Variants in DGKI observed in about 807,000 individuals in gnomAD.
DGKI encodes the protein DAG kinase iota.
DGKI carries 55 observed loss-of-function variants against 147.5 expected under a neutral mutation model. That is an observed-to-expected ratio of 0.37 (90% confidence interval 0.30 to 0.47). The LOEUF (loss-of-function observed/expected upper bound fraction) is 0.47. Among genes scored for constraint, DGKI ranks in the 20% least tolerant of loss-of-function variants. DGKI has a pLI of 1.00. For missense variants in DGKI, 1,007 were observed against 1,323.8 expected (o/e 0.76, Z 3.71); for synonymous variants, 469 against 477.1 (o/e 0.98, Z 0.22).
At chr7:137,685,847 A>C (rs1383164047) in intron 2 of DGKI, among the ~76,000 whole-genome samples, 2 of 152,226 alleles carry the variant, frequency 1.3e-5, no homozygotes, top group Non-Finnish European at 2.9e-5. Flanking sequence ...ACTTGGGATT[A>C]AAACGGCATA....
intron 6 of DGKI, among the ~76,000 whole-genome samples, chr7:137,633,476 A>C (rs1220990799): frequency 6.6e-6 from 1 of 152,198 alleles, no homozygotes; most frequent in African/African-American, 2.4e-5. Flanking sequence ...ATAGGCATTA[A>C]ATTTATCTTA....
intron 23 of DGKI, among the ~76,000 whole-genome samples, chr7:137,480,196 T>C (rs2128933365): frequency 6.6e-6 from 1 of 152,282 alleles, no homozygotes; most frequent in African/African-American, 2.4e-5. Flanking sequence ...CTTATTTAAT[T>C]CCTCATTTGA....
At chr7:137,825,621 C>T (rs1798032932) in intron 1 of DGKI, among the ~76,000 whole-genome samples, 1 of 152,004 alleles carries the variant, frequency 6.6e-6, no homozygotes, top group South Asian at 2.1e-4. Flanking sequence ...CACAGACACA[C>T]ACACACTCTC....
intron 8 of DGKI, among the ~76,000 whole-genome samples, chr7:137,610,819 C>T (rs971257963): frequency 1.3e-5 from 2 of 152,082 alleles, no homozygotes; most frequent in African/African-American, 4.8e-5. Context: ...TTTTATTTTA[C>T]TTTGACTTGG....
chr7:137,551,868 G>A (rs1818056515), intron 20 of DGKI, among the ~76,000 whole-genome samples: 1 of 152,048 alleles, frequency 6.6e-6, no homozygotes, highest in Non-Finnish European at 1.5e-5. Flanking sequence ...CCCCAAAATG[G>A]GAACATCAGG....
In DGKI at chr7:137,645,415, T is replaced by C. The variant is rs562397819; in HGVS notation, c.804+57A>G. The C allele has an allele frequency of 7.4e-6, 11 of 1,493,446 alleles. No individual in the cohort carries two copies. The South Asian group carries it at 1.1e-4, about 15-fold the overall frequency. 92.5% of individuals were successfully genotyped at this position (1,493,446 alleles called of 1,614,324 possible). A position where few individuals can be genotyped will look rare whatever the true frequency, so the allele number is the denominator to read the frequency against. ...TGGGGACAGGACTCATCTACCTCAG[T>C]TGCTTGCAGAGGCCTGGGGAGCCTC... is the stretch of plus-strand genomic sequence containing the variant. On this transcript the variant is annotated intron_variant, in intron 6 of 32. Transcript: ENST00000614521.
At position 137,756,421 on chromosome 7, in the gene DGKI, GTC is replaced by G. The variant is rs1563183271; in HGVS notation, c.402-66421_402-66420del. Among the ~76,000 whole-genome samples the G allele has an allele frequency of 2.3e-4, 35 of 152,238 alleles. No homozygotes were observed. In the South Asian group the frequency reaches 3.7e-3, roughly 16 times the overall value. Reference sequence around the variant, plus strand: ...GAAGAAAAAAAGTCATTCGGGAACCGTCAGAAAGGTTATTTTTGTAAGACATG... The same window carrying G: ...GAAGAAAAAAAGTCATTCGGGAACCGAGAAAGGTTATTTTTGTAAGACATG... On this transcript the variant is annotated intron_variant, in intron 1 of 32. Transcript: ENST00000614521.
chr7:137,422,654 G>C (rs1812624264), intron 28 of DGKI, among the ~76,000 whole-genome samples: 1 of 122,828 alleles, frequency 8.1e-6, no homozygotes, highest in East Asian at 2.6e-4. Context: ...ACCCAGACTG[G>C]AGTGCAGTGG....
intron 28 of DGKI, among the ~76,000 whole-genome samples, chr7:137,431,212 T>C (rs1314967123): frequency 6.6e-6 from 1 of 151,330 alleles, no homozygotes; most frequent in African/African-American, 2.4e-5. Context: ...GACATAGTCA[T>C]GGTTTAAATC....
intron 1 of DGKI, among the ~76,000 whole-genome samples, chr7:137,743,279 T>C (rs1392541063): frequency 6.6e-6 from 1 of 152,164 alleles, no homozygotes; most frequent in East Asian, 1.9e-4. Context: ...ACCAACTGGA[T>C]CTAATTGACA....
At chr7:137,567,530 T>C (rs1489553595) in intron 19 of DGKI, among the ~76,000 whole-genome samples, 1 of 152,130 alleles carries the variant, frequency 6.6e-6, no homozygotes, top group Non-Finnish European at 1.5e-5. Context: ...ATCTGCAAAA[T>C]TCAGACTCAG....
At chr7:137,674,852 T>A (rs1400974688) in intron 3 of DGKI, among the ~76,000 whole-genome samples, 2 of 152,144 alleles carry the variant, frequency 1.3e-5, no homozygotes, top group African/African-American at 4.8e-5. Flanking sequence ...ACTGACTTCT[T>A]CCTTCTCTTA....
At chr7:137,671,417 G>T (rs1487502220) in intron 3 of DGKI, among the ~76,000 whole-genome samples, 1 of 152,208 alleles carries the variant, frequency 6.6e-6, no homozygotes, top group Non-Finnish European at 1.5e-5. Flanking sequence ...GAAGCCATAA[G>T]AGTCTTAGTG....
intron 28 of DGKI, 100 bp from the exon 29 acceptor site, chr7:137,412,307 G>A (rs1032796662): frequency 1.8e-6 from 2 of 1,123,964 alleles, no homozygotes; most frequent in Non-Finnish European, 2.7e-6. Flanking sequence ...GTCTACATTT[G>A]GGGCAGGAAT....
chr7:137,468,392 C>T (rs1814744967), intron 24 of DGKI, among the ~76,000 whole-genome samples: 2 of 152,310 alleles, frequency 1.3e-5, no homozygotes, highest in African/African-American at 4.8e-5. Context: ...TTAGATAGAA[C>T]ATAACAACAT....
chr7:137,678,610 C>T lies in DGKI; in HGVS notation c.553G>A (p.Val185Ile), dbSNP rs779164061. 1.1e-5 allele frequency: 18 copies of T among 1,614,112 alleles called. No individual in the cohort carries two copies. The highest frequency in any genetic ancestry group is 1.7e-4 in the Middle Eastern group (1 of 6,060). ...CCAAGGTAGCAGAGGTCTCCCGAGA[C>T]GTTGGTCTCCAGCCACAGGTGTTCT... ...NGEHLWLETN[V>I]SGDLCYLGEE... Residue 185 changes from valine to isoleucine, a missense_variant, in exon 3 of 33, where the codon GTC (valine) becomes ATC (isoleucine). By Grantham distance (29) the Val-to-Ile change is conservative. Transcript: ENST00000614521.
chr7:137,569,766 A>AAAAAAAAAAAAAAAAAAAAAAAAC (rs1818730180), intron 19 of DGKI, among the ~76,000 whole-genome samples: 1 of 123,958 alleles, frequency 8.1e-6, no homozygotes, highest in African/African-American at 3.4e-5. Flanking sequence ...AAAAAAAAAA[A>AAAAAAAAAAAAAAAAAAAAAAAAC]AAAAAAGAAT....
intron 30 of DGKI, among the ~76,000 whole-genome samples, chr7:137,406,416 C>T (rs770725330): frequency 1.3e-5 from 2 of 152,154 alleles, no homozygotes; most frequent in Non-Finnish European, 2.9e-5. Context: ...CCAGGGCAGA[C>T]AGGTTTGGGA....
intron 14 of DGKI, among the ~76,000 whole-genome samples, chr7:137,584,759 A>C (rs1819326768): frequency 6.6e-6 from 1 of 152,218 alleles, no homozygotes. Flanking sequence ...TTCAAGTCCC[A>C]CCCAAGTGGT....
Sources: allele counts gnomAD v4.1 joint callset (sites outside exome capture counted in the v4.1 genomes callset), GRCh38; gene constraint gnomAD v4.1.1; transcripts MANE v1.5; gene names NCBI Gene and HGNC (gene_info 2026-07-23, HGNC 2026-07-21).